PKP2: variants seen among roughly 807,000 people sequenced by gnomAD.
The protein encoded by PKP2 is plakophilin-2.
In PKP2, 73 loss-of-function variants were observed where a neutral mutation model predicts 83.4. That is an observed-to-expected ratio of 0.88 (90% CI 0.72 to 1.06). The LOEUF is 1.06. Among genes scored for constraint, PKP2 ranks in the 50% least tolerant of loss-of-function variants. The probability of loss-of-function intolerance (pLI) is 0.00; values close to 1 mark genes in which losing one functional copy is unlikely to be tolerated. For missense variants in PKP2, 966 were observed against 1,065.4 expected (o/e 0.91, Z 1.30); for synonymous variants, 409 against 430.4 (o/e 0.95, Z 0.62).
chr12:32,868,773 C>T (rs750161101), intron 4 of PKP2, among the ~76,000 whole-genome samples, 154 bp downstream of exon 4: 2 of 151,462 alleles, frequency 1.3e-5, no homozygotes, highest in Admixed American at 1.3e-4. Context: ...CCACCTGCCT[C>T]GGCCTCCCAA....
intron 5 of PKP2, among the ~76,000 whole-genome samples, chr12:32,844,679 A>G (rs900106861): frequency 9.2e-5 from 14 of 152,220 alleles, no homozygotes; most frequent in Non-Finnish European, 2.1e-4. Context: ...TAGAGGGAAT[A>G]AAAATTAGCT....
chr12:32,800,080 C>T lies in PKP2; in HGVS notation c.2167+2323G>A, dbSNP rs192609699. 1.1e-4 allele frequency among the ~76,000 whole-genome samples: 17 copies of T among 152,332 alleles called. No homozygotes were observed. In the East Asian group the frequency reaches 2.7e-3, roughly 24 times the overall value. On this transcript the variant is annotated intron_variant, in intron 10 of 12. Transcript: ENST00000340811. The stretch of plus-strand genomic sequence containing the variant: ...TTTCCTCTAACCACTTTAGACTCTT[C>T]TTAAAAGATAGAGAGCATGCATCTT...
Position 32,890,473 on chromosome 12 carries a change from G to T in PKP2, c.223+6036C>A, listed in dbSNP as rs368009184. Among the ~76,000 whole-genome samples, 56 of 152,296 alleles carry T rather than the reference G, an allele frequency of 3.7e-4. 1 individual carries two copies. The South Asian group carries it at 0.011, about 29-fold the overall frequency. On this transcript the variant is annotated intron_variant, in intron 1 of 12. Transcript: ENST00000340811. Reference sequence around the variant, plus strand: ...TTAAGTCTAAAGCTGATTATTCCAAGAATATAAATATGTGAATTATTTTAA... The same window carrying T: ...TTAAGTCTAAAGCTGATTATTCCAATAATATAAATATGTGAATTATTTTAA...
At chr12:32,873,292 T>G (rs1305985166) in intron 3 of PKP2, among the ~76,000 whole-genome samples, 3 of 151,548 alleles carry the variant, frequency 2.0e-5, no homozygotes, top group Admixed American at 2.0e-4. Context: ...GAAGTGGGGT[T>G]TTGCCATGTT....
At chr12:32,793,013 A>G in intron 11 of PKP2, 1 of 409,252 alleles carries the variant, frequency 2.4e-6, no homozygotes, top group Non-Finnish European at 4.6e-6. Flanking sequence ...CACTTTTGGG[A>G]GGCTGAGGTG....
rs79669787 is a variant in PKP2, at chr12:32,817,914, C to T, written c.2013+3442G>A. ...CTTGAGCTCCACTTCCTGTCAGATC[C>T]GCAGTGACATTAGATTCTCATGGGG... On this transcript the variant is annotated intron_variant, in intron 9 of 12. Transcript: ENST00000340811. Among the ~76,000 whole-genome samples the T allele has an allele frequency of 6.2e-3, 939 of 152,208 alleles. 15 individuals carry two copies. The highest frequency in any genetic ancestry group is 0.022 in the African/African-American group (910 of 41,526).
chr12:32,816,609 T>C (rs1956322108), intron 9 of PKP2, among the ~76,000 whole-genome samples: 1 of 152,182 alleles, frequency 6.6e-6, no homozygotes, highest in Non-Finnish European at 1.5e-5. Context: ...TACTCAGTAA[T>C]GGGATTGCTG....
chr12:32,805,251 G>A (rs1414035556), intron 9 of PKP2, among the ~76,000 whole-genome samples: 2 of 151,746 alleles, frequency 1.3e-5, no homozygotes, highest in Non-Finnish European at 2.9e-5. Flanking sequence ...CATTTTGTAG[G>A]TTGTCTGTTC....
intron 5 of PKP2, among the ~76,000 whole-genome samples, chr12:32,846,766 A>AAG (rs1251375105): frequency 6.6e-6 from 1 of 151,242 alleles, no homozygotes; most frequent in East Asian, 1.9e-4. Context: ...AAAAAAAAGA[A>AAG]GAGAGAGGAA....
At chr12:32,798,337 C>T (rs1394244141) in intron 10 of PKP2, among the ~76,000 whole-genome samples, 8 of 151,840 alleles carry the variant, frequency 5.3e-5, no homozygotes, top group Admixed American at 3.3e-4. Flanking sequence ...GTGATCTGCC[C>T]GCCTCAGCCT....
intron 6 of PKP2, among the ~76,000 whole-genome samples, chr12:32,828,928 A>T (rs1956470125): frequency 6.6e-6 from 1 of 151,410 alleles, no homozygotes; most frequent in South Asian, 2.1e-4. Context: ...GGAGGCAGAA[A>T]TTTTTTTTTG....
rs2138010654 is a variant in PKP2, at chr12:32,896,606, C to T, written c.126G>A (p.Gly42=). 1 of 1,585,394 alleles carries T rather than the reference C, an allele frequency of 6.3e-7. No homozygotes were observed. The highest frequency in any genetic ancestry group is 8.5e-7 in the Non-Finnish European group (1 of 1,175,026). ...CTGTCTGGCCGCCGCGGCCGCTGCTCCCCGCCAGCTTCAGCTTGGCCTCGG... is the reference window on the plus strand; with the variant it reads ...CTGTCTGGCCGCCGCGGCCGCTGCTTCCCGCCAGCTTCAGCTTGGCCTCGG... ...LPSEAKLKLA[G]SSGRGGQTVK... Residue 42 remains glycine (G), a synonymous_variant, in exon 1 of 13, where the codon GGG becomes GGA. Transcript: ENST00000340811.
chr12:32,830,993 A>T (rs1426460142), intron 6 of PKP2, among the ~76,000 whole-genome samples: 1 of 152,150 alleles, frequency 6.6e-6, no homozygotes, highest in Non-Finnish European at 1.5e-5. Context: ...GCCAGTAATC[A>T]TCTGGCTGGT....
chr12:32,890,448 T>C lies in PKP2; in HGVS notation c.223+6061A>G, dbSNP rs189303308. On this transcript the variant is annotated intron_variant, in intron 1 of 12. Coordinates refer to ENST00000340811, the MANE Select transcript of PKP2 (RefSeq NM_001005242.3). ...TGACTGCTTAGGTTAACGAATGTTA[T>C]TAAGTCTAAAGCTGATTATTCCAAG... is the stretch of plus-strand genomic sequence containing the variant. 4.1e-3 allele frequency among the ~76,000 whole-genome samples: 620 copies of C among 152,354 alleles called. 5 individuals carry two copies. The highest frequency in any genetic ancestry group is 0.014 in the African/African-American group (595 of 41,590).
chr12:32,794,650 T>TA (rs1956104697), intron 11 of PKP2, among the ~76,000 whole-genome samples: 1 of 152,250 alleles, frequency 6.6e-6, no homozygotes, highest in South Asian at 2.1e-4. Context: ...CATACTATCT[T>TA]ACGGTGATTT....
chr12:32,793,754 C>T (rs1284774398), intron 11 of PKP2, among the ~76,000 whole-genome samples: 1 of 151,620 alleles, frequency 6.6e-6, no homozygotes, highest in Non-Finnish European at 1.5e-5. Context: ...TGCCACCACG[C>T]CAGGCTAATT....
intron 4 of PKP2, among the ~76,000 whole-genome samples, chr12:32,854,781 C>T (rs770013294): frequency 5.9e-5 from 9 of 152,204 alleles, no homozygotes; most frequent in Non-Finnish European, 1.3e-4. Flanking sequence ...TGGCTTTATT[C>T]TATCTTCCCT....
intron 5 of PKP2, among the ~76,000 whole-genome samples, chr12:32,846,137 A>G (rs1292599494): frequency 6.6e-6 from 1 of 152,182 alleles, no homozygotes; most frequent in African/African-American, 2.4e-5. Flanking sequence ...GTAATGAAAG[A>G]GGGATAAGAA....
intron 3 of PKP2, among the ~76,000 whole-genome samples, chr12:32,871,271 C>T (rs75773449): frequency 0.053 from 8,093 of 152,138 alleles, 474 homozygotes; most frequent in Admixed American, 0.18. Context: ...TTCTTCAAGA[C>T]TCAATTCAAG....
Sources: allele counts gnomAD v4.1 joint callset (sites outside exome capture counted in the v4.1 genomes callset), GRCh38; gene constraint gnomAD v4.1.1; transcripts MANE v1.5; gene names NCBI Gene and HGNC (gene_info 2026-07-23, HGNC 2026-07-21).